Variants in MLXIPL observed in about 807,000 individuals in gnomAD.
MLXIPL encodes the protein MLX interacting protein like, also known as carbohydrate-responsive element-binding protein.
In MLXIPL, 49 loss-of-function variants were observed where a neutral mutation model predicts 81.5. The observed-to-expected ratio is 0.60, with a 90% CI of 0.48 to 0.76. MLXIPL has a LOEUF of 0.76. MLXIPL is among the 30% of genes least tolerant of loss of function. The pLI is 0.00. For synonymous variants in MLXIPL, 466 were observed against 485.5 expected (o/e 0.96, Z 0.53); for missense variants, 1,053 against 1,167.0 (o/e 0.90, Z 1.42).
chr7:73,603,487 C>T (rs927282268), intron 7 of MLXIPL, among the ~76,000 whole-genome samples: 1 of 152,208 alleles, frequency 6.6e-6, no homozygotes, highest in Non-Finnish European at 1.5e-5. Context: ...TGCCCCTGGG[C>T]AGCCCCCACC....
chr7:73,599,716 G>A, intron 7 of MLXIPL, 21 bp from the exon 8 acceptor site: 1 of 1,597,228 alleles, frequency 6.3e-7, no homozygotes, highest in Non-Finnish European at 8.5e-7. Flanking sequence ...GACACACAGG[G>A]CAACAGCAGT....
intron 1 of MLXIPL, among the ~76,000 whole-genome samples, chr7:73,620,094 C>A (rs1177465729): frequency 3.3e-5 from 5 of 151,500 alleles, no homozygotes; most frequent in Admixed American, 6.6e-5. Flanking sequence ...TACAGTGAGA[C>A]CTTATCTCTA....
At chr7:73,630,371 C>T in the MLXIPL span, among the ~76,000 whole-genome samples, 59 of 136,156 alleles carry the variant, frequency 4.3e-4, no homozygotes, top group Middle Eastern at 4.7e-3. Context: ...TGGGTCATTG[C>T]AAGCTCTGCT....
At chr7:73,640,776 CAAAAAAA>C in the MLXIPL span, among the ~76,000 whole-genome samples, 1 of 66,794 alleles carries the variant, frequency 1.5e-5, no homozygotes, top group Non-Finnish European at 3.0e-5. Flanking sequence ...GACTCCATCT[CAAAAAAA>C]AAAAAAAAAA....
chr7:73,607,122 C>T, intron 4 of MLXIPL, 104 bp from the exon 5 acceptor site: 3 of 1,469,606 alleles, frequency 2.0e-6, no homozygotes, highest in Non-Finnish European at 2.8e-6. Flanking sequence ...CCCCATTTCC[C>T]ATCAGGAGCT....
At chr7:73,640,408 AAAAAAAAG>A in the MLXIPL span, among the ~76,000 whole-genome samples, 1 of 150,270 alleles carries the variant, frequency 6.7e-6, no homozygotes, top group African/African-American at 2.4e-5. Context: ...TCTCCAAAAA[AAAAAAAAG>A]AAAAAGAAAA....
intron 2 of MLXIPL, among the ~76,000 whole-genome samples, chr7:73,614,559 A>G (rs1795888060): frequency 6.6e-6 from 1 of 152,178 alleles, no homozygotes; most frequent in African/African-American, 2.4e-5. Flanking sequence ...TTCCCAGCTC[A>G]GTGCAGCCTT....
the MLXIPL span, among the ~76,000 whole-genome samples, chr7:73,630,167 T>G: frequency 1.3e-5 from 2 of 151,864 alleles, no homozygotes; most frequent in Admixed American, 6.6e-5. Flanking sequence ...CCGGCTAATT[T>G]TTTGTACTTT....
rs560497459 is a variant in MLXIPL at position 73,606,960 on chromosome 7, T to C, written c.618+14A>G. On this transcript the variant is annotated intron_variant, in intron 5 of 16. Coordinates refer to ENST00000313375, the MANE Select transcript of MLXIPL (RefSeq NM_032951.3). ...AAGGGATGCCCTTGCCTGCTGGACTTACAGAGCACCCACCTGCTTAGGGGC... is the reference window on the plus strand; with the variant it reads ...AAGGGATGCCCTTGCCTGCTGGACTCACAGAGCACCCACCTGCTTAGGGGC... The C allele has an allele frequency of 2.5e-6, 4 of 1,613,438 alleles. No homozygotes were observed. Among genetic ancestry groups the C allele is most frequent in the Admixed American group, 1.7e-5 (1 of 59,894 alleles).
upstream of MLXIPL, chr7:73,624,588 A>G (rs1584164746): frequency 5.7e-6 from 8 of 1,401,328 alleles, no homozygotes; most frequent in East Asian, 2.8e-5. Context: ...CCGCCCCCAC[A>G]CCATAGGCCG....
intron 2 of MLXIPL, among the ~76,000 whole-genome samples, chr7:73,608,971 G>T (rs1486471061): frequency 1.3e-5 from 2 of 151,936 alleles, no homozygotes; most frequent in African/African-American, 4.8e-5. Context: ...ACCATGTCTG[G>T]CTAATTTTTA....
At chr7:73,641,512 GGTCT>G in the MLXIPL span, among the ~76,000 whole-genome samples, 1 of 151,876 alleles carries the variant, frequency 6.6e-6, no homozygotes, top group African/African-American at 2.4e-5. Context: ...CTGTGCCAAT[GGTCT>G]GTCTGTAAAA....
Position 73,616,848 on chromosome 7 carries a change from C to CAA in MLXIPL, c.294-673_294-672dup, listed in dbSNP as rs35467108. Among the ~76,000 whole-genome samples, 494 of 50,466 alleles carry CAA rather than the reference C, an allele frequency of 9.8e-3. 5 individuals are homozygous for CAA. The highest frequency in any genetic ancestry group is 0.012 in the African/African-American group (156 of 13,232). The allele number at this position is 50,466 out of a possible 152,430, so 33.1% of individuals were successfully genotyped here. ...GGGCAACAAGAGTGAAACTCCGTCT[C>CAA]AAAAAAAAAAAAAAAAAAAAAAGAC... On this transcript the variant is annotated intron_variant, in intron 1 of 16. Coordinates refer to ENST00000313375, the MANE Select transcript of MLXIPL (RefSeq NM_032951.3).
At chr7:73,616,283 G>A (rs1041006870) in intron 1 of MLXIPL, 106 bp from the exon 2 acceptor site, 7 of 1,047,970 alleles carry the variant, frequency 6.7e-6, no homozygotes, top group Non-Finnish European at 8.8e-6. Context: ...GGCATTTGAG[G>A]GGCCCCTCCA....
intron 2 of MLXIPL, 36 bp downstream of exon 2, chr7:73,616,035 C>G (rs367851373): frequency 1.3e-5 from 21 of 1,558,156 alleles, no homozygotes; most frequent in Non-Finnish European, 2.7e-6. Flanking sequence ...AGGGGGCAGT[C>G]CCTCCCGGCT....
At chr7:73,622,016 TCTCC>T (rs1254256205) in intron 1 of MLXIPL, among the ~76,000 whole-genome samples, 1 of 45,866 alleles carries the variant, frequency 2.2e-5, no homozygotes, top group African/African-American at 9.0e-5. Flanking sequence ...CCTCCCCCCA[TCTCC>T]CTCCCTCCCT....
the MLXIPL span, among the ~76,000 whole-genome samples, chr7:73,636,057 C>T: frequency 6.6e-6 from 1 of 152,162 alleles, no homozygotes; most frequent in African/African-American, 2.4e-5. Flanking sequence ...GCCGGACTTG[C>T]AGCCCAGGGG....
intron 1 of MLXIPL, among the ~76,000 whole-genome samples, chr7:73,620,172 G>A (rs1333921872): frequency 6.6e-6 from 1 of 151,910 alleles, no homozygotes; most frequent in Non-Finnish European, 1.5e-5. Flanking sequence ...GGGAGGCCAA[G>A]GCAGGCGAAT....
intron 1 of MLXIPL, among the ~76,000 whole-genome samples, chr7:73,621,759 CCCTT>C (rs1437750785): frequency 2.9e-5 from 3 of 103,038 alleles, no homozygotes; most frequent in Non-Finnish European, 4.0e-5. Flanking sequence ...CTCCCTCCCT[CCCTT>C]CCTCCCTCTC....
Sources: gnomAD v4.1 joint callset for allele counts (sites outside exome capture counted in the v4.1 genomes callset) on GRCh38, gnomAD v4.1.1 for gene constraint, MANE v1.5 for transcripts, NCBI Gene and HGNC (gene_info 2026-07-23, HGNC 2026-07-21) for gene names.